CDC34: variants seen among roughly 807,000 people sequenced by gnomAD.
The protein encoded by CDC34 is cell division cycle 34, ubiquitin conjugating enzyme, also known as ubiquitin-conjugating enzyme E2 R1.
In CDC34, 18 loss-of-function variants were observed where a neutral mutation model predicts 26.8. The ratio of observed to expected loss-of-function variants is 0.67; its 90% CI spans 0.47 to 1.00. The LOEUF is 1.00. Ranked by LOEUF, CDC34 falls within the 50% of genes least tolerant of loss-of-function variation. The pLI is 0.00. For synonymous variants in CDC34, 178 were observed against 147.5 expected, an observed-to-expected ratio of 1.21 and a Z score of -1.50; for missense variants, 280 against 334.5, an observed-to-expected ratio of 0.84 and a Z score of 1.27.
chr19:541,488 TGGA>T lies in CDC34; in HGVS notation c.656_658del (p.Glu219del), dbSNP rs746366208. 5 of 1,610,980 alleles carry T rather than the reference TGGA, an allele frequency of 3.1e-6. No homozygotes were observed. The highest frequency in any genetic ancestry group is 1.1e-5 in the South Asian group (1 of 90,984). ...GACGACTACTACGAGGACGGCGAGG[TGGA>T]GGAGGAGGCCGACAGCTGCTTCGGG... is the stretch of plus-strand genomic sequence containing the variant. On this transcript the variant is annotated inframe_deletion, in exon 5 of 5. Coordinates refer to ENST00000215574, the MANE Select transcript of CDC34 (RefSeq NM_004359.2).
At chr19:539,625 G>T (rs1979920750) in intron 4 of CDC34, among the ~76,000 whole-genome samples, 2 of 152,144 alleles carry the variant, frequency 1.3e-5, no homozygotes, top group South Asian at 4.1e-4. Context: ...GGCACTGTGG[G>T]ACCCGCACAC....
At chr19:536,722 G>C (rs550014565) in intron 3 of CDC34, 7 of 539,216 alleles carry the variant, frequency 1.3e-5, no homozygotes, top group Non-Finnish European at 2.3e-5. Context: ...CGTGTTGCCC[G>C]TGTGTCCTGG....
chr19:536,022 G>C (rs1012873812), intron 2 of CDC34, 99 bp downstream of exon 2: 3 of 1,256,730 alleles, frequency 2.4e-6, no homozygotes, highest in Non-Finnish European at 3.5e-6. Flanking sequence ...GGCGCTGGGA[G>C]CCTCACGTCC....
At chr19:534,382 C>T (rs1187248748) in intron 1 of CDC34, among the ~76,000 whole-genome samples, 3 of 141,406 alleles carry the variant, frequency 2.1e-5, no homozygotes, top group Non-Finnish European at 3.2e-5. Flanking sequence ...CCTGCCTGTC[C>T]GGGAGGGGCC....
At chr19:532,444 C>T (rs1357634199) in intron 1 of CDC34, among the ~76,000 whole-genome samples, 1 of 152,218 alleles carries the variant, frequency 6.6e-6, no homozygotes, top group Non-Finnish European at 1.5e-5. Context: ...TGCCCACCTC[C>T]TCCTTGGCGG....
At chr19:538,707 C>G (rs1979876591) in intron 4 of CDC34, 1 of 985,312 alleles carries the variant, frequency 1.0e-6, no homozygotes, top group Non-Finnish European at 1.2e-6. Context: ...CACCTTCCAT[C>G]CTGCACTCGC....
chr19:536,369 C>T (rs28558712), intron 3 of CDC34, 29 bp downstream of exon 3: 11 of 1,533,760 alleles, frequency 7.2e-6, no homozygotes, highest in African/African-American at 1.6e-5. Context: ...CTGTGTCCAC[C>T]CAGAACATCA....
chr19:537,221 C>T (rs1396431504), intron 4 of CDC34, 74 bp downstream of exon 4: 22 of 1,542,592 alleles, frequency 1.4e-5, no homozygotes, highest in African/African-American at 2.7e-5. Context: ...GTCCCACGGC[C>T]GCCCAGCCCC....
At position 541,761 on chromosome 19, in the gene CDC34, C is replaced by A. The variant is rs1326626933; in HGVS notation, c.*209C>A. 1 of 473,574 alleles carries A rather than the reference C, an allele frequency of 2.1e-6. No homozygotes were observed. The highest frequency in any genetic ancestry group is 4.1e-5 in the Admixed American group (1 of 24,604). 29.3% of individuals were successfully genotyped at this position (473,574 alleles called of 1,614,324 possible). The stretch of plus-strand genomic sequence containing the variant: ...CCACCGCCACTCACGTCACTCGGGG[C>A]TCGGTGGACGGGCCCAGGGTGGGAG... On this transcript the variant is annotated 3_prime_UTR_variant, in exon 5 of 5. Transcript: ENST00000215574.
At chr19:532,703 C>T (rs1014159994) in intron 1 of CDC34, among the ~76,000 whole-genome samples, 1 of 152,254 alleles carries the variant, frequency 6.6e-6, no homozygotes, top group African/African-American at 2.4e-5. Context: ...GCAGCCAGGA[C>T]CCGCCTGGAA....
At position 539,005 on chromosome 19, in the gene CDC34, A is replaced by G. The variant is rs1217600130; in HGVS notation, c.497+1858A>G. 3 of 985,100 alleles carry G rather than the reference A, an allele frequency of 3.0e-6. No individual in the cohort carries two copies. In the East Asian group the frequency reaches 3.4e-4, roughly 112 times the overall value. 61.0% of individuals were successfully genotyped at this position (985,100 alleles called of 1,614,324 possible). On this transcript the variant is annotated intron_variant, in intron 4 of 4. Coordinates refer to ENST00000215574, the MANE Select transcript of CDC34 (RefSeq NM_004359.2). ...CACCTCCTTGAGATCCCAGCACAGA[A>G]ATAAAAGCCACACTATTTTTATCCC...
intron 2 of CDC34, 45 bp downstream of exon 2, chr19:535,968 C>G (rs1247186829): frequency 5.1e-6 from 8 of 1,560,920 alleles, no homozygotes; most frequent in East Asian, 4.5e-5. Flanking sequence ...CCTCCGGGAC[C>G]CAGGGTGCTG....
chr19:536,157 C>A, intron 2 of CDC34, 86 bp from the exon 3 acceptor site: 1 of 1,146,270 alleles, frequency 8.7e-7, no homozygotes. Flanking sequence ...CGTCCTCGTC[C>A]TCCACGTCCT....
chr19:532,262 C>A (rs1253584058), intron 1 of CDC34, among the ~76,000 whole-genome samples, 154 bp downstream of exon 1: 1 of 152,144 alleles, frequency 6.6e-6, no homozygotes, highest in Non-Finnish European at 1.5e-5. Flanking sequence ...CACGTTCCCC[C>A]ACCCAGCTCT....
Position 532,039 on chromosome 19 carries a change from C to T in CDC34, c.108C>T (p.Gly36=). 1.3e-6 allele frequency: 2 copies of T among 1,519,582 alleles called. No individual in the cohort carries two copies. The highest frequency in any genetic ancestry group is 2.8e-5 in the East Asian group (1 of 36,354). 94.1% of individuals were successfully genotyped at this position (1,519,582 alleles called of 1,614,324 possible). Residue 36 remains glycine (G), a synonymous_variant, in exon 1 of 5, where the codon GGC becomes GGT. Transcript: ENST00000215574. ...EGFRVTLVDE[G]DLYNWEVAIF... ...TCCGCGTGACACTGGTGGACGAGGG[C>T]GATCTATACAACTGGGAGGTGGCCA...
Position 537,151 on chromosome 19 carries a change from A to C in CDC34, c.497+4A>C. 6.2e-7 allele frequency: 1 copy of C among 1,612,602 alleles called. No individual in the cohort carries two copies. Among genetic ancestry groups the C allele is most frequent in the East Asian group, 2.2e-5 (1 of 44,854 alleles). On this transcript the variant is annotated splice_donor_region_variant and intron_variant, in intron 4 of 4. Coordinates refer to ENST00000215574, the MANE Select transcript of CDC34 (RefSeq NM_004359.2). ...GGGAGTACACAGACATCATCCGGTGAGGGCGGGCGGGGGCGTCACGGGAGG... is the reference window on the plus strand; with the variant it reads ...GGGAGTACACAGACATCATCCGGTGCGGGCGGGCGGGGGCGTCACGGGAGG...
chr19:535,221 A>G (rs994467840), intron 1 of CDC34, among the ~76,000 whole-genome samples: 1 of 152,194 alleles, frequency 6.6e-6, no homozygotes, highest in Non-Finnish European at 1.5e-5. Context: ...CTGACAGGGA[A>G]GGAGTCCTGC....
At position 541,489 on chromosome 19, in the gene CDC34, G is replaced by A; in HGVS notation, c.648G>A (p.Val216=). 1 of 1,611,320 alleles carries A rather than the reference G, an allele frequency of 6.2e-7. No individual in the cohort carries two copies. Among genetic ancestry groups the A allele is most frequent in the Non-Finnish European group, 8.5e-7 (1 of 1,178,876 alleles). ...FYDDYYEDGE[V]EEEADSCFGD... is the part of the protein sequence containing the mutation. Reference sequence around the variant, plus strand: ...ACGACTACTACGAGGACGGCGAGGTGGAGGAGGAGGCCGACAGCTGCTTCG... The same window carrying A: ...ACGACTACTACGAGGACGGCGAGGTAGAGGAGGAGGCCGACAGCTGCTTCG... The change falls in exon 5 of 5, where the codon GTG becomes GTA. Residue 216 remains valine, a synonymous_variant. Coordinates refer to ENST00000215574, the MANE Select transcript of CDC34 (RefSeq NM_004359.2).
rs371692795 is a variant in CDC34 at position 537,156 on chromosome 19, G to A, written c.497+9G>A. On this transcript the variant is annotated intron_variant, in intron 4 of 4. Transcript: ENST00000215574. ...TACACAGACATCATCCGGTGAGGGC[G>A]GGCGGGGGCGTCACGGGAGGAGAGA... is the stretch of plus-strand genomic sequence containing the variant. 2.0e-5 allele frequency: 33 copies of A among 1,612,308 alleles called. No individual in the cohort carries two copies. Among genetic ancestry groups the A allele is most frequent in the Non-Finnish European group, 2.6e-5 (31 of 1,179,806 alleles).
Sources: gnomAD v4.1 joint callset for allele counts (sites outside exome capture counted in the v4.1 genomes callset) on GRCh38, gnomAD v4.1.1 for gene constraint, MANE v1.5 for transcripts, NCBI Gene and HGNC (gene_info 2026-07-23, HGNC 2026-07-21) for gene names.